Variants in PLEC observed in about 807,000 individuals in gnomAD.
PLEC encodes hemidesmosomal protein 1.
In PLEC, 216 loss-of-function variants were observed where a neutral mutation model predicts 392.8. The observed-to-expected ratio is 0.55, with a 90% confidence interval of 0.49 to 0.62. The LOEUF (loss-of-function observed/expected upper bound fraction) is 0.62, where lower values mean the gene tolerates loss of function less well. Among genes scored for constraint, PLEC ranks in the 20% least tolerant of loss-of-function variants. The probability of loss-of-function intolerance (pLI) is 0.00; values close to 1 mark genes in which losing one functional copy is unlikely to be tolerated. For synonymous variants in PLEC, 3,621 were observed against 2,980.6 expected, an observed-to-expected ratio of 1.21 and a Z score of -7.00; for missense variants, 6,863 against 6,563.4, an observed-to-expected ratio of 1.05 and a Z score of -1.58.
rs541803637 is a variant in PLEC, at chr8:143,973,398, C to T, written c.70+5G>A. The T allele has an allele frequency of 3.2e-6, 5 of 1,558,858 alleles. No individual in the cohort carries two copies. Among genetic ancestry groups the T allele is most frequent in the African/African-American group, 2.8e-5 (2 of 72,270 alleles). ...CCCGACAGGCAGCGGGACGGGGGGCCGTACCTTTGTACTTCTCGCGCACCT... is the reference window on the plus strand; with the variant it reads ...CCCGACAGGCAGCGGGACGGGGGGCTGTACCTTTGTACTTCTCGCGCACCT... On this transcript the variant is annotated splice_donor_5th_base_variant and intron_variant, in intron 1 of 31. Transcript: ENST00000356346. The surrounding 1 kb of genome is among the most constrained non-coding windows in gnomAD (Gnocchi z 5.6).
At position 143,929,637 on chromosome 8, in the gene PLEC, G is replaced by C; in HGVS notation, c.2923+9C>G. On this transcript the variant is annotated intron_variant, in intron 23 of 31. Coordinates refer to ENST00000345136, the MANE Select transcript of PLEC (RefSeq NM_201384.3). ...CCAGCCCAACCGCCCCAGCCCTGCC[G>C]TGCCCTACCCTGTTCCAGGCTCTGC... The C allele has an allele frequency of 4.4e-6, 7 of 1,606,944 alleles. No individual in the cohort carries two copies. Among genetic ancestry groups the C allele is most frequent in the Non-Finnish European group, 5.9e-6 (7 of 1,179,748 alleles).
intron 2 of PLEC, 36 bp downstream of exon 2, chr8:143,938,595 C>G (rs782048483): frequency 9.3e-6 from 15 of 1,608,678 alleles, no homozygotes; most frequent in Non-Finnish European, 1.3e-5. Flanking sequence ...CCCACAGCCT[C>G]AGCCCCTGTG....
At position 143,924,489 on chromosome 8, in the gene PLEC, T is replaced by TGGCCTCTTCCGCCA; in HGVS notation, c.5426_5439dup (p.Lys1814TrpfsTer109). 6.5e-7 allele frequency: 1 copy of TGGCCTCTTCCGCCA among 1,541,436 alleles called. No homozygotes were observed. The highest frequency in any genetic ancestry group is 8.7e-7 in the Non-Finnish European group (1 of 1,151,918). ...TCCTCGGCCAGCTGCCGCTGCCGCT[T>TGGCCTCTTCCGCCA]GGCCTCTTCCGCCAGGGCACGCAGG... On this transcript the variant is annotated frameshift_variant, in exon 31 of 32. Transcript: ENST00000345136. LOFTEE classifies it high-confidence loss of function.
intron 25 of PLEC, 101 bp downstream of exon 25, chr8:143,929,002 C>A: frequency 9.2e-7 from 1 of 1,089,042 alleles, no homozygotes; most frequent in Middle Eastern, 2.8e-4. Flanking sequence ...TCTGAACAGC[C>A]CCCAACTCGT....
At chr8:143,942,307 C>A, upstream of PLEC, 4 of 1,522,838 alleles carry the variant, frequency 2.6e-6, no homozygotes, top group Non-Finnish European at 3.6e-6. Flanking sequence ...CCAGCCCAGG[C>A]GGCGGTTCCC....
rs782424017 is a variant in PLEC at position 143,925,686 on chromosome 8, TCTG to T, written c.4240_4242del (p.Gln1414del). On this transcript the variant is annotated inframe_deletion, in exon 31 of 32. Transcript: ENST00000345136. ...TGCAGCTCCTCCTGAATGCTGCGCT[TCTG>T]CTGCTGCGCGTCCACCGCCGCCTCC... The T allele has an allele frequency of 1.9e-6, 3 of 1,591,980 alleles. No individual in the cohort carries two copies. The highest frequency in any genetic ancestry group is 1.3e-5 in the African/African-American group (1 of 74,808).
At chr8:143,958,532 CCCTGG>C (rs1832714268), upstream of PLEC, 1 of 375,202 alleles carries the variant, frequency 2.7e-6, no homozygotes, top group South Asian at 1.8e-5. The surrounding 1 kb of genome is among the most constrained non-coding windows in gnomAD (Gnocchi z 4.9). Context: ...CTCCACCACA[CCCTGG>C]CCTGGCCACC....
At chr8:143,940,424 A>C (rs1554727867), upstream of PLEC, among the ~76,000 whole-genome samples, 1 of 152,166 alleles carries the variant, frequency 6.6e-6, no homozygotes, top group East Asian at 1.9e-4. Context: ...GCCACACCTG[A>C]GGCAGGACCT....
chr8:143,946,529 G>A, intron 1 of PLEC: 1 of 531,502 alleles, frequency 1.9e-6, no homozygotes, highest in Non-Finnish European at 3.1e-6. Context: ...CCACCCCTTA[G>A]TCAGTAAGCA....
At chr8:143,953,635 A>G, upstream of PLEC, 3 of 1,362,244 alleles carry the variant, frequency 2.2e-6, no homozygotes, top group Non-Finnish European at 3.1e-6. Flanking sequence ...GGGATGGCAG[A>G]CCCTGCCCGC....
chr8:143,933,483 C>T (rs1256857522), intron 12 of PLEC, 132 bp from the exon 13 acceptor site: 2 of 1,063,998 alleles, frequency 1.9e-6, no homozygotes, highest in Admixed American at 3.6e-5. Flanking sequence ...TGTCCTTCCC[C>T]TTCCCTCCCT....
Position 143,937,012 on chromosome 8 carries a change from A to C in PLEC, c.402T>G (p.Leu134=), listed in dbSNP as rs3135112. 6.2e-7 allele frequency: 1 copy of C among 1,613,074 alleles called. No homozygotes were observed. The highest frequency in any genetic ancestry group is 8.5e-7 in the Non-Finnish European group (1 of 1,179,782). ...DIADGNPKLT[L]GLIWTIILHF... ...GCAGAATGATTGTCCAGATGAGGCC[A>C]AGGGTCAGCTTGGGGTTGCCGTCAG... The change falls in exon 5 of 32, where the codon CTT becomes CTG. Residue 134 remains leucine, a synonymous_variant. Transcript: ENST00000345136.
chr8:143,951,726 C>T (rs1270973187), upstream of PLEC, among the ~76,000 whole-genome samples: 12 of 152,118 alleles, frequency 7.9e-5, no homozygotes, highest in African/African-American at 2.9e-4. Context: ...CTGGGCAGCC[C>T]AAGTGCCCGT....
In PLEC at chr8:143,928,010, C is replaced by G. The variant is rs782709765; in HGVS notation, c.3261-18G>C. ...TCTTGAGCCTGGCGGGAAAGCGGGG[C>G]TCAGGGCCATGACATGGGGCTCGAG... On this transcript the variant is annotated intron_variant, in intron 25 of 31. Coordinates refer to ENST00000345136, the MANE Select transcript of PLEC (RefSeq NM_201384.3). 6.3e-7 allele frequency: 1 copy of G among 1,584,680 alleles called. No individual in the cohort carries two copies. The highest frequency in any genetic ancestry group is 1.7e-5 in the Admixed American group (1 of 58,608).
intron 18 of PLEC, 80 bp downstream of exon 18, chr8:143,931,857 G>A (rs2131860830): frequency 7.0e-7 from 1 of 1,436,162 alleles, no homozygotes; most frequent in East Asian, 2.4e-5. Context: ...GAGGGCTCCT[G>A]ATTGGAGCTG....
In PLEC at chr8:143,930,269, C is replaced by T. The variant is rs1554713409; in HGVS notation, c.2487G>A (p.Gln829=). 1 of 1,602,808 alleles carries T rather than the reference C, an allele frequency of 6.2e-7. No individual in the cohort carries two copies. Among genetic ancestry groups the T allele is most frequent in the South Asian group, 1.1e-5 (1 of 90,272 alleles). ...EVTVHKGDEC[Q]LVGPAQPSHW... Reference sequence around the variant, plus strand: ...GGGACGGCTGTGCAGGGCCCACCAGCTGGCACTCGTCACCCTTGTGCACAG... The same window carrying T: ...GGGACGGCTGTGCAGGGCCCACCAGTTGGCACTCGTCACCCTTGTGCACAG... Residue 829 remains glutamine (Q), a synonymous_variant, in exon 21 of 32, where the codon CAG becomes CAA. Coordinates refer to ENST00000345136, the MANE Select transcript of PLEC (RefSeq NM_201384.3).
In PLEC at chr8:143,931,647, C is replaced by T; in HGVS notation, c.2191G>A (p.Val731Met). 2 of 1,600,738 alleles carry T rather than the reference C, an allele frequency of 1.2e-6. No homozygotes were observed. The highest frequency in any genetic ancestry group is 2.2e-5 in the East Asian group (1 of 44,448). Residue 731 changes from valine to methionine, a missense_variant, in exon 19 of 32, where the codon GTG (valine) becomes ATG (methionine). Coordinates refer to ENST00000345136, the MANE Select transcript of PLEC (RefSeq NM_201384.3). Reference protein sequence around the residue: ...NAAYFQFFSDVREAEGQLQKL... With the variant: ...NAAYFQFFSDMREAEGQLQKL... ...TGCAACTGCCCCTCGGCCTCCCGCA[C>T]ATCTGAGAAGAACTGGGGCAGCGGG...
chr8:143,918,629 C>T lies in PLEC; in HGVS notation c.11192G>A (p.Gly3731Asp). 1 of 1,612,670 alleles carries T rather than the reference C, an allele frequency of 6.2e-7. No homozygotes were observed. Among genetic ancestry groups the T allele is most frequent in the Non-Finnish European group, 8.5e-7 (1 of 1,179,978 alleles). The change falls in exon 32 of 32, where the codon GGC becomes GAC. Residue 3731 changes from glycine to aspartate, a missense_variant. Physicochemically the swap from Gly to Asp is moderately conservative, Grantham distance 94. Transcript: ENST00000345136. Reference sequence around the variant, plus strand: ...CCCCTTCACCGGGTCCAGCAGGAAGCCTGTGGCTGCCTGTGCCTCCAGCAG... The same window carrying T: ...CCCCTTCACCGGGTCCAGCAGGAAGTCTGTGGCTGCCTGTGCCTCCAGCAG... ...RLLLEAQAAT[G>D]FLLDPVKGER...
At chr8:143,967,084 C>A (rs939381622) in intron 1 of PLEC, among the ~76,000 whole-genome samples, 1 of 152,118 alleles carries the variant, frequency 6.6e-6, no homozygotes, top group African/African-American at 2.4e-5. Context: ...CAGAATTAGG[C>A]CAGGCGCGGT....
Sources: gnomAD v4.1 joint callset for allele counts (sites outside exome capture counted in the v4.1 genomes callset) on GRCh38, gnomAD v4.1.1 for gene constraint, Gnocchi (gnomAD v3.1) non-coding constraint, MANE v1.5 for transcripts, NCBI Gene and HGNC (gene_info 2026-07-23, HGNC 2026-07-21) for gene names.